AMMECR1: variants seen among roughly 807,000 people sequenced by gnomAD.
AMMECR1 encodes the protein nuclear protein AMMECR1.
Under a neutral mutation model 22.5 loss-of-function variants are expected in AMMECR1, and 3 were observed. The ratio of observed to expected loss-of-function variants is 0.13; its 90% CI spans 0.06 to 0.35. AMMECR1 has a LOEUF of 0.35. AMMECR1 is among the 10% of genes least tolerant of loss of function. AMMECR1 has a pLI of 1.00. For missense variants in AMMECR1, 235 were observed against 278.7 expected (o/e 0.84, Z 1.12); for synonymous variants, 130 against 116.7 (o/e 1.11, Z -0.74).
At chrX:110,412,304 A>G (rs1464101114) in intron 2 of AMMECR1, among the ~76,000 whole-genome samples, 1 of 112,567 alleles carries the variant, frequency 8.9e-6, no homozygotes, top group African/African-American at 3.2e-5. Context: ...CTCCATGTAT[A>G]AGGATGTTCA....
intron 3 of AMMECR1, among the ~76,000 whole-genome samples, chrX:110,211,709 A>G (rs1360207711): frequency 2.7e-5 from 3 of 112,236 alleles, no homozygotes; most frequent in Non-Finnish European, 5.6e-5. Flanking sequence ...CCTTGCAGGT[A>G]GACATTCCAA....
chrX:110,244,670 T>C (rs755680480), intron 2 of AMMECR1, among the ~76,000 whole-genome samples: 23 of 112,241 alleles, frequency 2.0e-4, no homozygotes, highest in African/African-American at 7.4e-4. Context: ...CTGTTGATCT[T>C]TGTAGCTGCA....
intron 2 of AMMECR1, among the ~76,000 whole-genome samples, chrX:110,236,414 TA>T (rs1005701380): frequency 2.7e-5 from 3 of 111,939 alleles, no homozygotes; most frequent in Non-Finnish European, 5.6e-5. Flanking sequence ...GGAAGACACC[TA>T]AACTCACAAG....
intron 2 of AMMECR1, among the ~76,000 whole-genome samples, chrX:110,362,057 G>T (rs2068267355): frequency 1.8e-5 from 2 of 111,796 alleles, no homozygotes; most frequent in South Asian, 7.5e-4. Context: ...CCAACATCTA[G>T]AATAGTACCT....
At chrX:110,362,266 GC>G (rs1428033364) in intron 2 of AMMECR1, among the ~76,000 whole-genome samples, 1 of 111,426 alleles carries the variant, frequency 9.0e-6, no homozygotes, top group Non-Finnish European at 1.9e-5. Context: ...TAAAACTTAA[GC>G]TTGTTATATA....
intron 2 of AMMECR1, among the ~76,000 whole-genome samples, chrX:110,378,783 G>A (rs190790831): frequency 1.2e-4 from 13 of 111,221 alleles, no homozygotes; most frequent in Non-Finnish European, 2.1e-4. Context: ...CTGAAATGGC[G>A]CCTGCTGTAC....
chrX:110,215,269 G>GT (rs1241045705), intron 3 of AMMECR1, among the ~76,000 whole-genome samples: 2 of 111,226 alleles, frequency 1.8e-5, no homozygotes, highest in African/African-American at 6.5e-5. Context: ...CTGTAGAAAA[G>GT]TTTTTTTTCA....
chrX:110,421,584 T>C (rs1001520094), intron 2 of AMMECR1, among the ~76,000 whole-genome samples: 1 of 112,787 alleles, frequency 8.9e-6, no homozygotes, highest in African/African-American at 3.2e-5. Flanking sequence ...GTATTACTGA[T>C]GGTAGAACAT....
intron 2 of AMMECR1, among the ~76,000 whole-genome samples, chrX:110,264,244 G>GA (rs1197003666): frequency 2.4e-4 from 24 of 102,107 alleles, no homozygotes; most frequent in East Asian, 6.0e-4. Context: ...GCCACTGGAA[G>GA]AAAAAAAAAA....
At chrX:110,266,134 T>C (rs1001600819) in intron 1 of AMMECR1, among the ~76,000 whole-genome samples, 2 of 108,196 alleles carry the variant, frequency 1.8e-5, no homozygotes, top group Non-Finnish European at 3.8e-5. Flanking sequence ...TTGCTTTCTA[T>C]ATCATATGCA....
intron 1 of AMMECR1, among the ~76,000 whole-genome samples, chrX:110,293,528 T>C (rs1159719634): frequency 6.3e-5 from 7 of 111,280 alleles, no homozygotes; most frequent in Non-Finnish European, 1.3e-4. Flanking sequence ...GTCTGACACA[T>C]TAGGGGGCCT....
chrX:110,208,390 C>T (rs969321239), intron 3 of AMMECR1, among the ~76,000 whole-genome samples: 3 of 112,201 alleles, frequency 2.7e-5, no homozygotes, highest in Non-Finnish European at 3.8e-5. Context: ...TCCCCTTGAC[C>T]AAAATACATA....
At chrX:110,387,857 C>CTTTTT (rs57937918) in intron 2 of AMMECR1, among the ~76,000 whole-genome samples, 9 of 82,796 alleles carry the variant, frequency 1.1e-4, no homozygotes, top group African/African-American at 2.7e-4. Flanking sequence ...CTCCCTCTCT[C>CTTTTT]TTTTTTTTTT....
intron 2 of AMMECR1, among the ~76,000 whole-genome samples, chrX:110,218,316 C>T (rs1305289179): frequency 9.0e-6 from 1 of 111,242 alleles, no homozygotes; most frequent in Non-Finnish European, 1.9e-5. Flanking sequence ...AAAGACACAT[C>T]ATTCATTAGA....
intron 2 of AMMECR1, among the ~76,000 whole-genome samples, chrX:110,379,330 C>T (rs1219897606): frequency 1.8e-5 from 2 of 112,061 alleles, no homozygotes; most frequent in South Asian, 7.4e-4. Flanking sequence ...AATATCTTGC[C>T]TTCAGTTATT....
intron 2 of AMMECR1, among the ~76,000 whole-genome samples, chrX:110,346,170 A>G (rs2068188112): frequency 1.8e-5 from 2 of 112,407 alleles, no homozygotes; most frequent in African/African-American, 6.5e-5. Context: ...GTATTTGCAT[A>G]AAAAATCAAA....
upstream of AMMECR1, among the ~76,000 whole-genome samples, chrX:110,322,420 A>G (rs780645477): frequency 5.4e-5 from 6 of 111,795 alleles, no homozygotes; most frequent in Admixed American, 5.7e-4. Flanking sequence ...CTCTTTTTAA[A>G]AGAAGAATTC....
chrX:110,396,984 T>C (rs2068532889), intron 2 of AMMECR1, among the ~76,000 whole-genome samples: 1 of 111,768 alleles, frequency 8.9e-6, no homozygotes, highest in Admixed American at 9.4e-5. Flanking sequence ...TTTCTCTTCT[T>C]TTTTTCCATG....
At chrX:110,322,903 C>T (rs2068084590), upstream of AMMECR1, among the ~76,000 whole-genome samples, 1 of 111,669 alleles carries the variant, frequency 9.0e-6, no homozygotes, top group Non-Finnish European at 1.9e-5. Flanking sequence ...GCAGCTAACC[C>T]TCCAAACTTC....
Sources: allele counts gnomAD v4.1 joint callset (sites outside exome capture counted in the v4.1 genomes callset), GRCh38; gene constraint gnomAD v4.1.1; transcripts MANE v1.5; gene names NCBI Gene and HGNC (gene_info 2026-07-23, HGNC 2026-07-21).